SRGAP1: variants seen among roughly 807,000 people sequenced by gnomAD.
SRGAP1 encodes SLIT-ROBO Rho GTPase-activating protein 1.
Under a neutral mutation model 121.9 loss-of-function variants are expected in SRGAP1, and 43 were observed. The ratio of observed to expected loss-of-function variants is 0.35; its 90% CI spans 0.28 to 0.46. The LOEUF is 0.46. SRGAP1 is among the 20% of genes least tolerant of loss of function. The probability of loss-of-function intolerance (pLI) is 1.00; values close to 1 mark genes in which losing one functional copy is unlikely to be tolerated. For synonymous variants in SRGAP1, 447 were observed against 485.4 expected, an observed-to-expected ratio of 0.92 and a Z score of 1.04; for missense variants, 1,102 against 1,350.9, an observed-to-expected ratio of 0.82 and a Z score of 2.89.
At chr12:63,912,405 C>G (rs1442009785) in intron 1 of SRGAP1, among the ~76,000 whole-genome samples, 1 of 152,086 alleles carries the variant, frequency 6.6e-6, no homozygotes, top group African/African-American at 2.4e-5. Flanking sequence ...GCTAGGAGTT[C>G]CAGATAAGCC....
At chr12:64,088,733 G>A (rs566141217) in intron 11 of SRGAP1, among the ~76,000 whole-genome samples, 10 of 152,226 alleles carry the variant, frequency 6.6e-5, no homozygotes, top group South Asian at 6.2e-4. Flanking sequence ...CATATTTACC[G>A]TACTATAGAA....
intron 1 of SRGAP1, among the ~76,000 whole-genome samples, chr12:63,886,515 C>G (rs1353903010): frequency 6.7e-6 from 1 of 148,952 alleles, no homozygotes; most frequent in African/African-American, 2.6e-5. Flanking sequence ...ACAGTCTCAC[C>G]TTGTCGTCCA....
intron 1 of SRGAP1, among the ~76,000 whole-genome samples, chr12:63,881,008 C>T (rs1416618150): frequency 6.6e-6 from 1 of 152,180 alleles, no homozygotes; most frequent in African/African-American, 2.4e-5. Flanking sequence ...GAGAAGGGAG[C>T]TGCTGTAAAG....
intron 21 of SRGAP1, among the ~76,000 whole-genome samples, chr12:64,133,628 A>G (rs2036817839): frequency 6.6e-6 from 1 of 152,188 alleles, no homozygotes; most frequent in East Asian, 1.9e-4. Flanking sequence ...GATTCACTGC[A>G]TAAATTGTCA....
At chr12:63,997,250 A>G (rs1412213713) in intron 3 of SRGAP1, among the ~76,000 whole-genome samples, 1 of 152,204 alleles carries the variant, frequency 6.6e-6, no homozygotes, top group Non-Finnish European at 1.5e-5. Flanking sequence ...ACCGTCATTG[A>G]GTACAATAAC....
intron 1 of SRGAP1, among the ~76,000 whole-genome samples, chr12:63,880,665 T>C (rs2136285789): frequency 6.6e-6 from 1 of 152,316 alleles, no homozygotes; most frequent in South Asian, 2.1e-4. Context: ...GGTGTAGGTA[T>C]AAGAATCTCA....
chr12:63,975,010 G>A (rs2033055722), intron 1 of SRGAP1, among the ~76,000 whole-genome samples: 1 of 152,104 alleles, frequency 6.6e-6, no homozygotes, highest in Admixed American at 6.6e-5. Context: ...AAACTAAGTA[G>A]TCTGCACCAT....
At chr12:64,064,036 A>T (rs1216353946) in intron 7 of SRGAP1, among the ~76,000 whole-genome samples, 1 of 152,122 alleles carries the variant, frequency 6.6e-6, no homozygotes, top group South Asian at 2.1e-4. Context: ...CCAAACACAC[A>T]TGGATTTTGA....
intron 19 of SRGAP1, 69 bp from the exon 20 acceptor site, chr12:64,127,521 C>T (rs1024712257): frequency 2.7e-6 from 4 of 1,486,992 alleles, no homozygotes; most frequent in Admixed American, 2.2e-5. Context: ...TTCATCTCCA[C>T]TCATCTAGCA....
chr12:63,887,607 A>G (rs1368914827), intron 1 of SRGAP1: 4 of 152,110 alleles, frequency 2.6e-5, no homozygotes, highest in African/African-American at 9.7e-5. Context: ...GTGGATCATC[A>G]CTTCTAGAAA....
intron 1 of SRGAP1, among the ~76,000 whole-genome samples, chr12:63,962,530 C>G (rs1203644107): frequency 6.6e-6 from 1 of 152,088 alleles, no homozygotes; most frequent in Admixed American, 6.5e-5. Context: ...GCCTCGGCCT[C>G]CTGAGTACCG....
At position 64,043,766 on chromosome 12, in the gene SRGAP1, G is replaced by A. The variant is rs1366266092; in HGVS notation, c.801+191G>A. 4 of 449,054 alleles carry A rather than the reference G, an allele frequency of 8.9e-6. No homozygotes were observed. The South Asian group carries it at 1.0e-4, about 11-fold the overall frequency. 27.8% of individuals were successfully genotyped at this position (449,054 alleles called of 1,614,324 possible). On this transcript the variant is annotated intron_variant, in intron 6 of 21. Coordinates refer to ENST00000355086, the MANE Select transcript of SRGAP1 (RefSeq NM_020762.4). ...ATCTGTAAGATGCATGTGAAAAAGCGTGTATCCTAAAACCAATGAAAAATA... is the reference window on the plus strand; with the variant it reads ...ATCTGTAAGATGCATGTGAAAAAGCATGTATCCTAAAACCAATGAAAAATA...
intron 1 of SRGAP1, among the ~76,000 whole-genome samples, chr12:63,951,152 C>CTTTTTTTTTTT (rs58637983): frequency 1.1e-4 from 5 of 44,184 alleles, no homozygotes; most frequent in African/African-American, 4.2e-4. Flanking sequence ...ATTTAGAACT[C>CTTTTTTTTTTT]TTTTTTTTTT....
At chr12:63,913,521 A>G (rs1329527469) in intron 1 of SRGAP1, among the ~76,000 whole-genome samples, 1 of 145,872 alleles carries the variant, frequency 6.9e-6, no homozygotes, top group East Asian at 2.0e-4. Context: ...ATATATATAC[A>G]TATATGTGTG....
At chr12:63,935,041 C>T (rs374654264) in intron 1 of SRGAP1, among the ~76,000 whole-genome samples, 1 of 152,222 alleles carries the variant, frequency 6.6e-6, no homozygotes, top group Non-Finnish European at 1.5e-5. Flanking sequence ...CATAGACCCT[C>T]TTGGCAGTGC....
intron 1 of SRGAP1, among the ~76,000 whole-genome samples, chr12:63,972,816 T>TA (rs111984992): frequency 6.8e-4 from 104 of 152,310 alleles, no homozygotes; most frequent in African/African-American, 2.2e-3. Context: ...CTAGTTTTTT[T>TA]AAAAAATCTG....
At chr12:63,897,076 T>C (rs1900779109) in intron 1 of SRGAP1, among the ~76,000 whole-genome samples, 1 of 152,186 alleles carries the variant, frequency 6.6e-6, no homozygotes, top group South Asian at 2.1e-4. Context: ...AGGACCTCTT[T>C]TTATATAATA....
intron 1 of SRGAP1, among the ~76,000 whole-genome samples, chr12:63,945,713 G>C (rs1039405290): frequency 1.3e-5 from 2 of 152,194 alleles, no homozygotes; most frequent in African/African-American, 4.8e-5. Flanking sequence ...TAATCCCACA[G>C]GGGAGCTCTG....
chr12:63,937,916 G>A (rs942534040), intron 1 of SRGAP1, among the ~76,000 whole-genome samples: 5 of 152,198 alleles, frequency 3.3e-5, no homozygotes, highest in Admixed American at 6.5e-5. Context: ...GTCCAGAAGC[G>A]CCCCGTGGCA....
Sources: allele counts gnomAD v4.1 joint callset (sites outside exome capture counted in the v4.1 genomes callset), GRCh38; gene constraint gnomAD v4.1.1; transcripts MANE v1.5; gene names NCBI Gene and HGNC (gene_info 2026-07-23, HGNC 2026-07-21).